Variants in MIA2 observed in about 807,000 individuals in gnomAD.
MIA2 encodes MIA SH3 domain ER export factor 2, also known as melanoma inhibitory activity protein 2.
In MIA2, 127 loss-of-function variants were observed where a neutral mutation model predicts 167.8. The ratio of observed to expected loss-of-function variants is 0.76; its 90% CI spans 0.66 to 0.88. The LOEUF (loss-of-function observed/expected upper bound fraction) is 0.88. MIA2 is among the 40% of genes least tolerant of loss of function. MIA2 has a pLI of 0.00. For synonymous variants in MIA2, 552 were observed against 541.9 expected, an observed-to-expected ratio of 1.02 and a Z score of -0.26; for missense variants, 1,690 against 1,624.7, an observed-to-expected ratio of 1.04 and a Z score of -0.69.
intron 17 of MIA2, among the ~76,000 whole-genome samples, chr14:39,305,559 G>T (rs977135220): frequency 1.3e-5 from 2 of 152,188 alleles, no homozygotes; most frequent in African/African-American, 4.8e-5. Flanking sequence ...TTCATAGCAT[G>T]AAGATTTTCC....
In MIA2 at chr14:39,345,769, T is replaced by C. The variant is rs1280264476; in HGVS notation, c.3656-135T>C. ...AATATGCAATTCTTCTGAAATTGTC[T>C]ACTGTTGTCAACCAAGAAGATGATG... On this transcript the variant is annotated intron_variant, in intron 25 of 28. Coordinates refer to ENST00000640607, the MANE Select transcript of MIA2 (RefSeq NM_001329214.4). The C allele has an allele frequency of 6.3e-6, 4 of 632,784 alleles. No individual in the cohort carries two copies. In the Admixed American group the frequency reaches 9.6e-5, roughly 15 times the overall value. The allele number at this position is 632,784 out of a possible 1,614,324, so 39.2% of individuals were successfully genotyped here. A position where few individuals can be genotyped will look rare whatever the true frequency, so the allele number is the denominator to read the frequency against.
At position 39,285,756 on chromosome 14, in the gene MIA2, C is replaced by G. The variant is rs1465573193; in HGVS notation, c.2131-5263C>G. Among the ~76,000 whole-genome samples the G allele has an allele frequency of 3.9e-3, 599 of 151,922 alleles. 4 individuals are homozygous for G. Among genetic ancestry groups the G allele is most frequent in the African/African-American group, 0.013 (551 of 41,396 alleles). On this transcript the variant is annotated intron_variant, in intron 9 of 28. Coordinates refer to ENST00000640607, the MANE Select transcript of MIA2 (RefSeq NM_001329214.4). The stretch of plus-strand genomic sequence containing the variant: ...AGCTGCCGGGCGGAGGGGCTCCTCA[C>G]TTCTCAGACGGGGCGGCTGCCGGGC...
chr14:39,254,631 A>C (rs564396469), intron 6 of MIA2, among the ~76,000 whole-genome samples: 7 of 152,226 alleles, frequency 4.6e-5, no homozygotes, highest in Middle Eastern at 3.2e-3. Context: ...CTAAAGGATA[A>C]AGGTACTACT....
At chr14:39,260,168 C>T (rs917474691) in intron 6 of MIA2, among the ~76,000 whole-genome samples, 1 of 152,174 alleles carries the variant, frequency 6.6e-6, no homozygotes, top group South Asian at 2.1e-4. Flanking sequence ...AGTAAACATA[C>T]GTGTGCATGT....
chr14:39,267,885 G>C (rs905604405), intron 6 of MIA2, among the ~76,000 whole-genome samples: 3 of 152,118 alleles, frequency 2.0e-5, no homozygotes, highest in Non-Finnish European at 4.4e-5. Flanking sequence ...CTTGAGGACT[G>C]TTCCTTTAAA....
chr14:39,359,559 C>G (rs1000524965), intron 23 of MIA2, among the ~76,000 whole-genome samples: 4 of 152,138 alleles, frequency 2.6e-5, no homozygotes, highest in Admixed American at 1.3e-4. Context: ...ACCCAGTGTT[C>G]TGCACCCACT....
chr14:39,291,568 ATAAG>A (rs1163774635), intron 10 of MIA2, among the ~76,000 whole-genome samples: 1 of 152,222 alleles, frequency 6.6e-6, no homozygotes, highest in Non-Finnish European at 1.5e-5. Flanking sequence ...GGTTTACGTT[ATAAG>A]TAATGGTGTA....
At chr14:39,253,197 C>T (rs1477482502) in intron 6 of MIA2, 26 bp downstream of exon 6, 2 of 1,605,056 alleles carry the variant, frequency 1.2e-6, no homozygotes, top group African/African-American at 2.7e-5. Context: ...AAACCTTTTG[C>T]AATAATTTTA....
At chr14:39,276,086 T>C (rs527352918) in intron 6 of MIA2, 152 of 152,346 alleles carry the variant, frequency 1.0e-3, no homozygotes, top group African/African-American at 3.4e-3. Context: ...AAATGGCATT[T>C]TTCTTTTTTC....
At chr14:39,351,216 G>A (rs148480647), downstream of MIA2, 40 of 152,010 alleles carry the variant, frequency 2.6e-4, no homozygotes, top group Non-Finnish European at 5.1e-4. Context: ...GGTTGTTTTA[G>A]TATTAGACTT....
rs1347997284 is a variant in MIA2, at chr14:39,302,125, C to G, written c.2620-4C>G. 2 of 1,612,862 alleles carry G rather than the reference C, an allele frequency of 1.2e-6. No individual in the cohort carries two copies. Among genetic ancestry groups the G allele is most frequent in the Non-Finnish European group, 8.5e-7 (1 of 1,179,244 alleles). Reference sequence around the variant, plus strand: ...TCTATTTTTCCCCTTTGTTCAATGTCAAGACTCTGACTGAACGCTTGTTAA... The same window carrying G: ...TCTATTTTTCCCCTTTGTTCAATGTGAAGACTCTGACTGAACGCTTGTTAA... On this transcript the variant is annotated splice_polypyrimidine_tract_variant and splice_region_variant and intron_variant, in intron 14 of 28. Transcript: ENST00000640607.
Position 39,308,496 on chromosome 14 carries a change from A to G in MIA2, c.2926A>G (p.Asn976Asp), listed in dbSNP as rs1318716680. 4 of 1,574,352 alleles carry G rather than the reference A, an allele frequency of 2.5e-6. No homozygotes were observed. Among genetic ancestry groups the G allele is most frequent in the Admixed American group, 1.8e-5 (1 of 55,372 alleles). ...QTEQASLQSE[N>D]THFENENQKL... ...TGAACAAGCATCTTTGCAGTCAGAAAACACACATTTTGAAAATGAGAATCA... is the reference window on the plus strand; with the variant it reads ...TGAACAAGCATCTTTGCAGTCAGAAGACACACATTTTGAAAATGAGAATCA... The change falls in exon 18 of 29, where the codon AAC becomes GAC. Residue 976 changes from asparagine to aspartate, a missense_variant. By Grantham distance (23) the Asn-to-Asp change is conservative (BLOSUM62 1). Coordinates refer to ENST00000640607, the MANE Select transcript of MIA2 (RefSeq NM_001329214.4).
At chr14:39,327,451 C>A (rs545588682) in intron 25 of MIA2, among the ~76,000 whole-genome samples, 2 of 151,998 alleles carry the variant, frequency 1.3e-5, no homozygotes, top group Non-Finnish European at 2.9e-5. Context: ...GCAGTTGTAC[C>A]ATTCATCCTC....
At chr14:39,382,853 A>G (rs1448513513) in intron 23 of MIA2, among the ~76,000 whole-genome samples, 1 of 152,008 alleles carries the variant, frequency 6.6e-6, no homozygotes, top group Non-Finnish European at 1.5e-5. Flanking sequence ...TATTATTTGA[A>G]ATACTATTTA....
chr14:39,277,694 A>G (rs866454811), intron 7 of MIA2, among the ~76,000 whole-genome samples: 732 of 7,672 alleles, frequency 0.095, 136 homozygotes, highest in African/African-American at 0.21. Flanking sequence ...ATATGTGTGT[A>G]TATATATATA....
intron 7 of MIA2, 24 bp downstream of exon 7, chr14:39,277,089 G>C: frequency 6.3e-7 from 1 of 1,593,478 alleles, no homozygotes; most frequent in Non-Finnish European, 8.5e-7. Context: ...GCTATACTAA[G>C]AGAATGTTCA....
intron 23 of MIA2, among the ~76,000 whole-genome samples, chr14:39,365,116 A>C (rs903427754): frequency 6.6e-6 from 1 of 151,280 alleles, no homozygotes; most frequent in African/African-American, 2.4e-5. Context: ...CACAGACTGG[A>C]GTGCAGTGGC....
intron 23 of MIA2, among the ~76,000 whole-genome samples, chr14:39,371,461 G>T (rs1326797649): frequency 1.3e-5 from 2 of 152,198 alleles, no homozygotes; most frequent in Non-Finnish European, 2.9e-5. Context: ...TTTTTAGTCT[G>T]TTTTTGCAGA....
At chr14:39,368,297 C>T (rs1242430041) in intron 23 of MIA2, among the ~76,000 whole-genome samples, 1 of 152,158 alleles carries the variant, frequency 6.6e-6, no homozygotes, top group Non-Finnish European at 1.5e-5. Flanking sequence ...TGGGTGTAAA[C>T]AGTCTTAGTG....
Sources: allele counts gnomAD v4.1 joint callset (sites outside exome capture counted in the v4.1 genomes callset), GRCh38; gene constraint gnomAD v4.1.1; transcripts MANE v1.5; gene names NCBI Gene and HGNC (gene_info 2026-07-23, HGNC 2026-07-21).